Variants in ZFHX4 observed in about 807,000 individuals in gnomAD.
ZFHX4 encodes zinc finger homeobox 4.
A neutral mutation model predicts 267.6 loss-of-function variants in ZFHX4; 56 were observed. The observed-to-expected ratio is 0.21, with a 90% CI of 0.17 to 0.26. The LOEUF (loss-of-function observed/expected upper bound fraction) is 0.26. ZFHX4 is among the 10% of genes least tolerant of loss of function. The probability of loss-of-function intolerance (pLI) is 1.00; values close to 1 mark genes in which losing one functional copy is unlikely to be tolerated. For missense variants in ZFHX4, 4,332 were observed against 4,420.0 expected (o/e 0.98, Z 0.56); for synonymous variants, 1,778 against 1,665.6 (o/e 1.07, Z -1.64).
chr8:76,712,853 A>T (rs935311883), intron 3 of ZFHX4, among the ~76,000 whole-genome samples: 2 of 150,596 alleles, frequency 1.3e-5, no homozygotes, highest in Non-Finnish European at 2.9e-5. Flanking sequence ...GATTTGTTTT[A>T]AAAAAAAACT....
In ZFHX4 at chr8:76,707,737, C is replaced by T. The variant is rs766344610; in HGVS notation, c.2782C>T (p.Arg928Cys). The T allele has an allele frequency of 2.5e-6, 4 of 1,613,778 alleles. No individual in the cohort carries two copies. Among genetic ancestry groups the T allele is most frequent in the East Asian group, 2.2e-5 (1 of 44,868 alleles). Reference sequence around the variant, plus strand: ...CCTAAGTGTGCATGTGAGCAGTGAGCGCTCTCTCCCTGAAGAGGAATGGAG... The same window carrying T: ...CCTAAGTGTGCATGTGAGCAGTGAGTGCTCTCTCCCTGAAGAGGAATGGAG... ...EALSVHVSSE[R>C]SLPEEEWRAV... Residue 928 changes from arginine to cysteine, a missense_variant, in exon 3 of 11, where the codon CGC (arginine) becomes TGC (cysteine). Around this residue, in one of 7 missense-constraint regions of ZFHX4, gnomAD observed 1,195 missense variants for 1,173.6 expected, o/e 1.02. Transcript: ENST00000651372.
At position 76,853,358 on chromosome 8, in the gene ZFHX4, C is replaced by T. The variant is rs957735854; in HGVS notation, c.6437C>T (p.Ala2146Val). 5 of 1,613,662 alleles carry T rather than the reference C, an allele frequency of 3.1e-6. No individual in the cohort carries two copies. Among genetic ancestry groups the T allele is most frequent in the Non-Finnish European group, 4.2e-6 (5 of 1,179,852 alleles). Residue 2146 changes from alanine to valine, a missense_variant, in exon 10 of 11, where the codon GCT becomes GTT. Ala to Val is a moderately conservative substitution (Grantham distance 64). Transcript: ENST00000651372. ...ITDDQLKILR[A>V]YFDINNSPSE... Reference sequence around the variant, plus strand: ...GATGATCAGCTAAAAATCCTGAGGGCTTATTTTGACATTAATAATTCTCCA... The same window carrying T: ...GATGATCAGCTAAAAATCCTGAGGGTTTATTTTGACATTAATAATTCTCCA...
At chr8:76,761,847 A>G (rs1329423674) in intron 3 of ZFHX4, among the ~76,000 whole-genome samples, 2 of 152,172 alleles carry the variant, frequency 1.3e-5, no homozygotes, top group African/African-American at 4.8e-5. Context: ...GCCTCTGTAC[A>G]TAGAGAAATG....
At chr8:76,751,373 T>TA (rs1809610018) in intron 3 of ZFHX4, among the ~76,000 whole-genome samples, 1 of 152,140 alleles carries the variant, frequency 6.6e-6, no homozygotes, top group Non-Finnish European at 1.5e-5. Context: ...CAGGAAAGAA[T>TA]AGAGACAAAT....
Position 76,854,253 on chromosome 8 carries a change from CCAGCCA to C in ZFHX4, c.7352_7357del (p.Gln2451_Pro2452del), listed in dbSNP as rs745775400. On this transcript the variant is annotated inframe_deletion, in exon 10 of 11. Coordinates refer to ENST00000651372, the MANE Select transcript of ZFHX4 (RefSeq NM_024721.5). ...CGGACCCACCACAGGCATCCACAGC[CCAGCCA>C]CAGCCACAGCCACAGCCACCAAAAC... The C allele has an allele frequency of 4.8e-5, 75 of 1,575,024 alleles. No individual in the cohort carries two copies. Among genetic ancestry groups the C allele is most frequent in the Admixed American group, 2.5e-4 (13 of 52,496 alleles).
chr8:76,835,486 T>C (rs1486149434), intron 5 of ZFHX4, among the ~76,000 whole-genome samples: 1 of 151,680 alleles, frequency 6.6e-6, no homozygotes, highest in Admixed American at 6.6e-5. Context: ...TTCACAATGG[T>C]ATATTGGAAT....
At chr8:76,799,402 C>G (rs1811062181) in intron 4 of ZFHX4, among the ~76,000 whole-genome samples, 1 of 152,188 alleles carries the variant, frequency 6.6e-6, no homozygotes, top group Non-Finnish European at 1.5e-5. Flanking sequence ...TTCTCACCTG[C>G]AGGGTTGCCT....
At chr8:76,811,030 C>T (rs1049177609) in intron 4 of ZFHX4, among the ~76,000 whole-genome samples, 1 of 152,128 alleles carries the variant, frequency 6.6e-6, no homozygotes, top group African/African-American at 2.4e-5. Context: ...TGGTGGGAAG[C>T]AGTATATATC....
chr8:76,754,932 A>G (rs558770563), intron 3 of ZFHX4, among the ~76,000 whole-genome samples: 1 of 152,286 alleles, frequency 6.6e-6, no homozygotes, highest in East Asian at 1.9e-4. Flanking sequence ...GAGTGAGAAC[A>G]GGCATGCATT....
At chr8:76,753,205 G>A (rs1471255568) in intron 3 of ZFHX4, among the ~76,000 whole-genome samples, 1 of 152,028 alleles carries the variant, frequency 6.6e-6, no homozygotes, top group African/African-American at 2.4e-5. Context: ...TTCCTTTATT[G>A]TTTATCTTGG....
At chr8:76,767,874 G>T (rs1429582107) in intron 3 of ZFHX4, among the ~76,000 whole-genome samples, 1 of 152,188 alleles carries the variant, frequency 6.6e-6, no homozygotes, top group South Asian at 2.1e-4. Context: ...GTTTGACATT[G>T]GTCCTGTATT....
At chr8:76,832,076 T>G (rs1043857319) in intron 4 of ZFHX4, among the ~76,000 whole-genome samples, 1 of 152,104 alleles carries the variant, frequency 6.6e-6, no homozygotes, top group Admixed American at 6.6e-5. Flanking sequence ...AAAGGTTTTA[T>G]ACGCAGCAGG....
intron 10 of ZFHX4, among the ~76,000 whole-genome samples, chr8:76,862,800 G>T (rs1812904961): frequency 6.6e-6 from 1 of 152,088 alleles, no homozygotes; most frequent in African/African-American, 2.4e-5. Flanking sequence ...GATGTTTTTT[G>T]TTATTCATCT....
At chr8:76,754,885 A>G (rs1186187804) in intron 3 of ZFHX4, among the ~76,000 whole-genome samples, 1 of 152,036 alleles carries the variant, frequency 6.6e-6, no homozygotes, top group Non-Finnish European at 1.5e-5. Flanking sequence ...TTCACTCTCT[A>G]CTTCAATGAG....
chr8:76,785,242 G>A (rs899827903), intron 4 of ZFHX4, among the ~76,000 whole-genome samples: 1 of 152,178 alleles, frequency 6.6e-6, no homozygotes, highest in Non-Finnish European at 1.5e-5. Flanking sequence ...ATATGTGGCA[G>A]CAACATAGTT....
chr8:76,847,160 A>G (rs556779872), intron 6 of ZFHX4, among the ~76,000 whole-genome samples: 35 of 152,320 alleles, frequency 2.3e-4, no homozygotes, highest in Middle Eastern at 3.4e-3. Context: ...AATATAAAAT[A>G]TCATAGTTTT....
At position 76,705,927 on chromosome 8, in the gene ZFHX4, C is replaced by A. The variant is rs371449494; in HGVS notation, c.1839C>A (p.Ile613=). 20 of 1,613,228 alleles carry A rather than the reference C, an allele frequency of 1.2e-5. No homozygotes were observed. The African/African-American group carries it at 2.4e-4, about 19-fold the overall frequency. The change falls in exon 2 of 11, where the codon ATC becomes ATA. Residue 613 remains isoleucine (I), a synonymous_variant. Coordinates refer to ENST00000651372, the MANE Select transcript of ZFHX4 (RefSeq NM_024721.5). ...GAGACGGCTCACCGGGCAGTGGCAT[C>A]GAGTGTCCAAAGTGCGACACTGTGT... ...PGGDGSPGSG[I]ECPKCDTVLG...
At chr8:76,789,745 A>T (rs1443841511) in intron 4 of ZFHX4, among the ~76,000 whole-genome samples, 1 of 152,162 alleles carries the variant, frequency 6.6e-6, no homozygotes, top group African/African-American at 2.4e-5. Context: ...TATTAATGGA[A>T]TTGAAAATAG....
rs545360878 is a variant in ZFHX4, at chr8:76,855,720, A to G, written c.8799A>G (p.Arg2933=). 1 of 1,613,932 alleles carries G rather than the reference A, an allele frequency of 6.2e-7. No homozygotes were observed. Among genetic ancestry groups the G allele is most frequent in the Non-Finnish European group, 8.5e-7 (1 of 1,179,860 alleles). ...SNDRPGHKRF[R]TQMSNLQLKV... is the part of the protein sequence containing the mutation. ...ATCGGCCGGGTCACAAGCGTTTTCG[A>G]ACGCAAATGAGCAATCTTCAACTCA... Residue 2933 remains arginine, a synonymous_variant, in exon 10 of 11, where the codon CGA becomes CGG. Coordinates refer to ENST00000651372, the MANE Select transcript of ZFHX4 (RefSeq NM_024721.5).
Sources: allele counts gnomAD v4.1 joint callset (sites outside exome capture counted in the v4.1 genomes callset), GRCh38; gene constraint gnomAD v4.1.1; regional missense constraint gnomAD v4.1.1; transcripts MANE v1.5; gene names NCBI Gene and HGNC (gene_info 2026-07-23, HGNC 2026-07-21).